AGBL2: variants seen among roughly 807,000 people sequenced by gnomAD.
AGBL2 encodes AGBL carboxypeptidase 2, also known as cytosolic carboxypeptidase 2.
AGBL2 carries 87 observed loss-of-function variants against 103.0 expected under a neutral mutation model. That is an observed-to-expected ratio of 0.84 (90% CI 0.71 to 1.01). AGBL2 has a LOEUF of 1.01. Among genes scored for constraint, AGBL2 ranks in the 50% least tolerant of loss-of-function variants. AGBL2 has a pLI of 0.00. For missense variants in AGBL2, 904 were observed against 1,023.5 expected (o/e 0.88, Z 1.59); for synonymous variants, 335 against 356.7 (o/e 0.94, Z 0.69).
intron 12 of AGBL2, among the ~76,000 whole-genome samples, chr11:47,681,699 C>T (rs766966637): frequency 4.6e-5 from 7 of 152,218 alleles, no homozygotes; most frequent in Non-Finnish European, 7.3e-5. Context: ...ACCTCGTGAT[C>T]TGCCCGCCTT....
At position 47,663,173 on chromosome 11, in the gene AGBL2, A is replaced by G; in HGVS notation, c.2449-61T>C. The G allele has an allele frequency of 5.1e-6, 5 of 986,130 alleles. No homozygotes were observed. The East Asian group carries it at 1.0e-4, about 21-fold the overall frequency. 61.1% of individuals were successfully genotyped at this position (986,130 alleles called of 1,614,324 possible). ...ACTTGAGCAAGTGTGATTACAGTGA[A>G]TATACATTATTCATTTGTTTCTTAT... On this transcript the variant is annotated intron_variant, in intron 17 of 18. Transcript: ENST00000525123.
At chr11:47,707,392 G>C (rs2097524324) in intron 4 of AGBL2, among the ~76,000 whole-genome samples, 1 of 152,122 alleles carries the variant, frequency 6.6e-6, no homozygotes, top group African/African-American at 2.4e-5. Context: ...CACGTGGCTG[G>C]GGAGGCCTCA....
chr11:47,701,836 T>C (rs1372239609), intron 7 of AGBL2, among the ~76,000 whole-genome samples: 3 of 151,844 alleles, frequency 2.0e-5, no homozygotes, highest in Admixed American at 2.0e-4. Context: ...GAGCAGAGTG[T>C]GGTGGCACGT....
intron 18 of AGBL2, among the ~76,000 whole-genome samples, chr11:47,661,739 CTTACTAGCTGT>C (rs1162418014): frequency 6.6e-6 from 1 of 152,006 alleles, no homozygotes; most frequent in Non-Finnish European, 1.5e-5. Flanking sequence ...GAAACAACAG[CTTACTAGCTGT>C]TTTGCCACCT....
chr11:47,692,657 C>G (rs2153804405), intron 8 of AGBL2, among the ~76,000 whole-genome samples: 1 of 151,992 alleles, frequency 6.6e-6, no homozygotes, highest in South Asian at 2.1e-4. Context: ...TGTGATCTGC[C>G]CGTCTCAGCC....
chr11:47,681,951 A>T lies in AGBL2; in HGVS notation c.1915+18T>A. On this transcript the variant is annotated intron_variant, in intron 12 of 18. Transcript: ENST00000525123. ...TTCCCTTCCTATGCTGGCCTATGAT[A>T]TACAAAAGAGAATGTACCCAGGGTG... 6.2e-7 allele frequency: 1 copy of T among 1,611,098 alleles called. No homozygotes were observed. Among genetic ancestry groups the T allele is most frequent in the South Asian group, 1.1e-5 (1 of 90,550 alleles).
chr11:47,707,022 A>C (rs867595429), intron 4 of AGBL2, among the ~76,000 whole-genome samples: 12 of 87,310 alleles, frequency 1.4e-4, no homozygotes, highest in African/African-American at 4.4e-4. Flanking sequence ...CCCTGTCTCT[A>C]CTAAAAAAAA....
chr11:47,704,417 A>T, intron 7 of AGBL2, 126 bp downstream of exon 7: 1 of 729,708 alleles, frequency 1.4e-6, no homozygotes, highest in Non-Finnish European at 2.2e-6. Flanking sequence ...TGGGAGACAG[A>T]GGTTGCAGTG....
intron 14 of AGBL2, among the ~76,000 whole-genome samples, chr11:47,669,981 G>C: frequency 6.6e-6 from 1 of 152,240 alleles, no homozygotes; most frequent in East Asian, 1.9e-4. Context: ...CAAGCAGTGT[G>C]CTAGGCACAG....
chr11:47,699,005 G>A (rs2097487912), intron 8 of AGBL2, among the ~76,000 whole-genome samples: 1 of 148,144 alleles, frequency 6.8e-6, no homozygotes, highest in South Asian at 2.1e-4. Flanking sequence ...TTTTGTTGTT[G>A]TTAGGTATGG....
At chr11:47,685,118 G>GAGA (rs1598979795) in intron 11 of AGBL2, among the ~76,000 whole-genome samples, 2 of 152,016 alleles carry the variant, frequency 1.3e-5, no homozygotes, top group Admixed American at 1.3e-4. Context: ...ACTGAGGCAG[G>GAGA]AGAATTGCTT....
chr11:47,711,115 T>C (rs774452048), intron 3 of AGBL2, among the ~76,000 whole-genome samples: 15 of 151,750 alleles, frequency 9.9e-5, no homozygotes, highest in Middle Eastern at 3.4e-3. Flanking sequence ...TTGCAGAAGC[T>C]GCCTCAGAAT....
chr11:47,696,019 A>AAG (rs2097469612), intron 8 of AGBL2, among the ~76,000 whole-genome samples: 1 of 30,298 alleles, frequency 3.3e-5, no homozygotes, highest in Non-Finnish European at 5.9e-5. Flanking sequence ...ACAAAAAAAA[A>AAG]AAAAAAAAAA....
intron 17 of AGBL2, among the ~76,000 whole-genome samples, chr11:47,663,938 T>A (rs1159588101): frequency 6.6e-6 from 1 of 151,894 alleles, no homozygotes; most frequent in Non-Finnish European, 1.5e-5. Context: ...CACGGCAACC[T>A]CCACCTCTTG....
At chr11:47,706,364 A>C (rs1247220107) in intron 4 of AGBL2, among the ~76,000 whole-genome samples, 1 of 151,854 alleles carries the variant, frequency 6.6e-6, no homozygotes, top group Non-Finnish European at 1.5e-5. Flanking sequence ...AAAATACAAA[A>C]GATTAGCCCG....
chr11:47,679,361 A>G (rs1159402959), intron 13 of AGBL2, among the ~76,000 whole-genome samples: 1 of 151,962 alleles, frequency 6.6e-6, no homozygotes, highest in East Asian at 1.9e-4. Flanking sequence ...ATTGCACTTC[A>G]GCCTGGGTAA....
chr11:47,697,809 G>A (rs1021135785), intron 8 of AGBL2, among the ~76,000 whole-genome samples: 37 of 151,682 alleles, frequency 2.4e-4, no homozygotes, highest in Non-Finnish European at 8.8e-5. Context: ...GACTCCCAAA[G>A]TGCTGGGATT....
chr11:47,677,444 TTTTA>T (rs773377857), intron 13 of AGBL2, 43 bp from the exon 14 acceptor site: 5 of 1,251,284 alleles, frequency 4.0e-6, no homozygotes, highest in African/African-American at 1.6e-5. Context: ...ATTCATTTTA[TTTTA>T]TTTATTTATT....
At chr11:47,661,221 A>G (rs941709379) in intron 18 of AGBL2, among the ~76,000 whole-genome samples, 2 of 152,132 alleles carry the variant, frequency 1.3e-5, no homozygotes, top group African/African-American at 4.8e-5. Context: ...GATAACATTC[A>G]TCCACTACAC....
Sources: gnomAD v4.1 joint callset for allele counts (sites outside exome capture counted in the v4.1 genomes callset) on GRCh38, gnomAD v4.1.1 for gene constraint, MANE v1.5 for transcripts, NCBI Gene and HGNC (gene_info 2026-07-23, HGNC 2026-07-21) for gene names.